SMYD3: variants seen among roughly 807,000 people sequenced by gnomAD.
SMYD3 encodes the protein histone-lysine N-methyltransferase SMYD3.
A neutral mutation model predicts 57.7 loss-of-function variants in SMYD3; 36 were observed. The ratio of observed to expected loss-of-function variants is 0.62; its 90% CI spans 0.48 to 0.82. The LOEUF is 0.82. SMYD3 is among the 40% of genes least tolerant of loss of function. The pLI is 0.00. For synonymous variants in SMYD3, 211 were observed against 195.0 expected (o/e 1.08, Z -0.68); for missense variants, 515 against 538.8 (o/e 0.96, Z 0.44).
intron 5 of SMYD3, among the ~76,000 whole-genome samples, chr1:246,114,989 C>T (rs1052332087): frequency 6.6e-6 from 1 of 152,236 alleles, no homozygotes; most frequent in African/African-American, 2.4e-5. Flanking sequence ...TGAAGCCAGC[C>T]TTAGCCAGTC....
At chr1:245,981,926 A>G (rs1399261650) in intron 5 of SMYD3, among the ~76,000 whole-genome samples, 1 of 152,248 alleles carries the variant, frequency 6.6e-6, no homozygotes. Flanking sequence ...AGGCTTGGGC[A>G]GGCGAGTCTC....
chr1:246,221,491 G>A (rs866549358), intron 5 of SMYD3, among the ~76,000 whole-genome samples: 3 of 152,208 alleles, frequency 2.0e-5, no homozygotes, highest in African/African-American at 7.2e-5. Flanking sequence ...AACCCTTCGG[G>A]TAGCCCAGAC....
At chr1:246,331,713 C>A (rs547953203) in intron 3 of SMYD3, among the ~76,000 whole-genome samples, 1 of 152,260 alleles carries the variant, frequency 6.6e-6, no homozygotes, top group African/African-American at 2.4e-5. Flanking sequence ...AGACATTGCA[C>A]TGAAGATTTA....
chr1:246,068,669 A>G (rs1046693638), intron 5 of SMYD3, among the ~76,000 whole-genome samples: 4 of 152,246 alleles, frequency 2.6e-5, no homozygotes, highest in African/African-American at 9.6e-5. Flanking sequence ...TACTGTTCAT[A>G]ATAATGAACT....
At chr1:246,122,664 G>A (rs1434879686) in intron 5 of SMYD3, among the ~76,000 whole-genome samples, 2 of 152,156 alleles carry the variant, frequency 1.3e-5, no homozygotes, top group Non-Finnish European at 2.9e-5. Flanking sequence ...TAAAGGACAC[G>A]TTTCATTTAA....
At chr1:246,466,660 G>A (rs1222531500) in intron 1 of SMYD3, among the ~76,000 whole-genome samples, 3 of 152,046 alleles carry the variant, frequency 2.0e-5, no homozygotes, top group Non-Finnish European at 4.4e-5. Flanking sequence ...ACCTGCACAC[G>A]TATCCCTGAA....
At chr1:245,996,200 T>C (rs1384280619) in intron 5 of SMYD3, among the ~76,000 whole-genome samples, 1 of 152,202 alleles carries the variant, frequency 6.6e-6, no homozygotes, top group African/African-American at 2.4e-5. Flanking sequence ...GAAAAGAGCA[T>C]TGGCAGGGCA....
At chr1:246,461,912 A>G (rs909314651) in intron 1 of SMYD3, among the ~76,000 whole-genome samples, 2 of 152,082 alleles carry the variant, frequency 1.3e-5, no homozygotes, top group Non-Finnish European at 2.9e-5. Flanking sequence ...CTAATTCTAG[A>G]GACATAAAGA....
chr1:246,456,783 T>C (rs2067705744), intron 1 of SMYD3, among the ~76,000 whole-genome samples: 1 of 152,164 alleles, frequency 6.6e-6, no homozygotes, highest in African/African-American at 2.4e-5. Flanking sequence ...TAAGGAGTCA[T>C]TGCAAGGTTG....
chr1:246,287,972 C>T (rs1572340488), intron 5 of SMYD3, among the ~76,000 whole-genome samples: 1 of 151,750 alleles, frequency 6.6e-6, no homozygotes, highest in African/African-American at 2.4e-5. Flanking sequence ...GAACGTTACA[C>T]GGCCTGGGGC....
At chr1:246,483,171 G>A (rs1274377400) in intron 1 of SMYD3, among the ~76,000 whole-genome samples, 1 of 152,162 alleles carries the variant, frequency 6.6e-6, no homozygotes, top group Non-Finnish European at 1.5e-5. Context: ...TAAAGGTAAA[G>A]GATGACTTCC....
At position 246,355,606 on chromosome 1, in the gene SMYD3, G is replaced by A. The variant is rs1572414323; in HGVS notation, c.165-512C>T. ...AGACTCCGTGCTGCTGTGGGGGCACGGTGGGAGTGAGACCAGCCTTTAGGA... is the reference window on the plus strand; with the variant it reads ...AGACTCCGTGCTGCTGTGGGGGCACAGTGGGAGTGAGACCAGCCTTTAGGA... On this transcript the variant is annotated intron_variant, in intron 1 of 11. Coordinates refer to ENST00000490107, the MANE Select transcript of SMYD3 (RefSeq NM_001167740.2). The surrounding 1 kb of genome is among the most constrained non-coding windows in gnomAD (Gnocchi z 5.0). Among the ~76,000 whole-genome samples, 1 of 152,146 alleles carries A rather than the reference G, an allele frequency of 6.6e-6. No homozygotes were observed. Among genetic ancestry groups the A allele is most frequent in the Admixed American group, 6.5e-5 (1 of 15,280 alleles).
chr1:245,905,131 G>A (rs772181623), intron 8 of SMYD3, among the ~76,000 whole-genome samples: 5 of 151,914 alleles, frequency 3.3e-5, no homozygotes, highest in East Asian at 1.9e-4. Context: ...GTGAGTCTCC[G>A]GGACTTGCTG....
chr1:245,810,940 G>A (rs1441457169), intron 10 of SMYD3, among the ~76,000 whole-genome samples: 1 of 152,182 alleles, frequency 6.6e-6, no homozygotes, highest in East Asian at 1.9e-4. Flanking sequence ...AGCTAGTGAG[G>A]TTATCACATA....
chr1:246,380,321 C>A (rs376123645), intron 1 of SMYD3, among the ~76,000 whole-genome samples: 1 of 152,130 alleles, frequency 6.6e-6, no homozygotes. Flanking sequence ...CTGTTTATAG[C>A]TCATTTATAA....
chr1:246,279,812 G>T (rs2064408098), intron 5 of SMYD3, among the ~76,000 whole-genome samples: 1 of 152,160 alleles, frequency 6.6e-6, no homozygotes, highest in Non-Finnish European at 1.5e-5. Context: ...ATAAAACAAG[G>T]CTTTATGATC....
chr1:246,082,664 G>A (rs191341614), intron 5 of SMYD3, among the ~76,000 whole-genome samples: 4 of 152,216 alleles, frequency 2.6e-5, no homozygotes, highest in Non-Finnish European at 4.4e-5. Flanking sequence ...GCAATATCGT[G>A]GGCTTGGCGA....
chr1:245,898,392 A>C (rs901420033), intron 8 of SMYD3, among the ~76,000 whole-genome samples: 2 of 152,224 alleles, frequency 1.3e-5, no homozygotes, highest in African/African-American at 4.8e-5. Context: ...CAATTAGATA[A>C]AGGAAATTGG....
At chr1:246,266,673 T>C (rs768394181) in intron 5 of SMYD3, among the ~76,000 whole-genome samples, 6 of 152,070 alleles carry the variant, frequency 3.9e-5, no homozygotes, top group Non-Finnish European at 7.4e-5. Context: ...ACACCTGTAA[T>C]CCCAGCTGCT....
Sources: allele counts gnomAD v4.1 joint callset (sites outside exome capture counted in the v4.1 genomes callset), GRCh38; gene constraint gnomAD v4.1.1; non-coding constraint Gnocchi (gnomAD v3.1); transcripts MANE v1.5; gene names NCBI Gene and HGNC (gene_info 2026-07-23, HGNC 2026-07-21).